Variants in CDH9 observed in about 807,000 individuals in gnomAD.
CDH9 encodes cadherin-9.
CDH9 carries 28 observed loss-of-function variants against 70.9 expected under a neutral mutation model. The observed-to-expected ratio is 0.40, with a 90% CI of 0.29 to 0.54. The LOEUF (loss-of-function observed/expected upper bound fraction) is 0.54. Ranked by LOEUF, CDH9 falls within the 20% of genes least tolerant of loss-of-function variation. CDH9 has a pLI of 0.59. For synonymous variants in CDH9, 409 were observed against 343.1 expected (o/e 1.19, Z -2.12); for missense variants, 874 against 984.4 (o/e 0.89, Z 1.50).
chr5:26,931,533 G>T (rs1741461856), intron 2 of CDH9, among the ~76,000 whole-genome samples: 1 of 152,136 alleles, frequency 6.6e-6, no homozygotes, highest in African/African-American at 2.4e-5. Context: ...CAAAAATCAT[G>T]CATTAGAAGT....
intron 2 of CDH9, among the ~76,000 whole-genome samples, chr5:26,965,499 C>A (rs935805399): frequency 2.6e-5 from 4 of 151,508 alleles, no homozygotes; most frequent in African/African-American, 9.7e-5. Flanking sequence ...TCACTTGAAC[C>A]TGAGAGGCAG....
At chr5:26,906,682 T>A (rs1259584135) in intron 4 of CDH9, 37 bp downstream of exon 4, 1 of 1,607,756 alleles carries the variant, frequency 6.2e-7, no homozygotes, top group East Asian at 2.2e-5. Context: ...CTTAATGTAT[T>A]ATACAATAAG....
At chr5:27,012,241 G>T (rs1549639) in intron 1 of CDH9, among the ~76,000 whole-genome samples, 57,433 of 151,566 alleles carry the variant, frequency 0.38, 12,743 homozygotes, top group Non-Finnish European at 0.5. Context: ...AAAAGCTGTT[G>T]TACTCCGTTG....
chr5:26,963,467 T>C (rs927656650), intron 2 of CDH9, among the ~76,000 whole-genome samples: 3 of 152,162 alleles, frequency 2.0e-5, no homozygotes, highest in African/African-American at 7.2e-5. Context: ...CAATTGTTCA[T>C]TGTGGATATT....
In CDH9 at chr5:26,900,461, A is replaced by G. The variant is rs192514973; in HGVS notation, c.1253+2015T>C. ...GTGGCTAATTTATTTTACAAAATAA[A>G]TAGCCTTGGTGACCTTGAAGGGGCA... is the stretch of plus-strand genomic sequence containing the variant. On this transcript the variant is annotated intron_variant, in intron 7 of 11. Transcript: ENST00000231021. 1.2e-4 allele frequency among the ~76,000 whole-genome samples: 18 copies of G among 152,214 alleles called. No individual in the cohort carries two copies. The East Asian group carries it at 3.1e-3, about 26-fold the overall frequency.
rs1199139349 is a variant in CDH9 at position 26,899,900 on chromosome 5, AT to A, written c.1253+2575del. Reference sequence around the variant, plus strand: ...AAAAAAAGAAAAAAATAAGCAAAAAATATATAAAACCAGAAGTTAGTTTTTT... The same window carrying A: ...AAAAAAAGAAAAAAATAAGCAAAAAAATATAAAACCAGAAGTTAGTTTTTT... On this transcript the variant is annotated intron_variant, in intron 7 of 11. Transcript: ENST00000231021. Among the ~76,000 whole-genome samples the A allele has an allele frequency of 2.9e-3, 438 of 152,016 alleles. 2 individuals are homozygous for A. The highest frequency in any genetic ancestry group is 9.8e-3 in the African/African-American group (405 of 41,514).
At chr5:26,965,468 C>G (rs373950328) in intron 2 of CDH9, among the ~76,000 whole-genome samples, 6 of 151,330 alleles carry the variant, frequency 4.0e-5, no homozygotes, top group African/African-American at 1.5e-4. Context: ...CCCAGCTACT[C>G]GGGAGGCTGA....
At chr5:26,909,878 G>A (rs929500299) in intron 3 of CDH9, among the ~76,000 whole-genome samples, 7 of 151,558 alleles carry the variant, frequency 4.6e-5, no homozygotes, top group African/African-American at 1.5e-4. Context: ...TAAATAATTC[G>A]GTGGCTAAAG....
At chr5:26,965,552 C>G (rs6864681) in intron 2 of CDH9, among the ~76,000 whole-genome samples, 109,104 of 150,030 alleles carry the variant, frequency 0.73, 41,875 homozygotes, top group East Asian at 0.99. Context: ...ATCCAGCGTG[C>G]ATGACAGAGT....
intron 2 of CDH9, among the ~76,000 whole-genome samples, chr5:26,951,907 G>A (rs1741851426): frequency 6.6e-6 from 1 of 150,856 alleles, no homozygotes; most frequent in Non-Finnish European, 1.5e-5. Context: ...TGTATGCTAT[G>A]GCTCACATGT....
At chr5:26,918,255 C>T (rs1274573739) in intron 2 of CDH9, among the ~76,000 whole-genome samples, 4 of 152,106 alleles carry the variant, frequency 2.6e-5, no homozygotes, top group Non-Finnish European at 4.4e-5. Context: ...GTATTTTCCT[C>T]TAACTAAGTA....
chr5:26,918,633 G>A (rs997182421), intron 2 of CDH9, among the ~76,000 whole-genome samples: 2 of 152,194 alleles, frequency 1.3e-5, no homozygotes, highest in African/African-American at 2.4e-5. Flanking sequence ...CTCAGTATGG[G>A]TGACTAGTCT....
At chr5:26,911,768 A>C (rs996214531) in intron 3 of CDH9, among the ~76,000 whole-genome samples, 2 of 152,210 alleles carry the variant, frequency 1.3e-5, no homozygotes, top group African/African-American at 4.8e-5. Context: ...TATATCTTCC[A>C]GATTATATGT....
chr5:27,026,604 A>G (rs541813019), intron 1 of CDH9, among the ~76,000 whole-genome samples: 7 of 152,058 alleles, frequency 4.6e-5, no homozygotes, highest in Admixed American at 1.3e-4. Context: ...AAAACTTTGT[A>G]TCATACTCAC....
intron 2 of CDH9, among the ~76,000 whole-genome samples, chr5:26,950,415 T>C (rs1741825274): frequency 6.6e-6 from 1 of 152,228 alleles, no homozygotes; most frequent in African/African-American, 2.4e-5. Flanking sequence ...AACCAGATTA[T>C]GTAAATGATA....
intron 2 of CDH9, among the ~76,000 whole-genome samples, chr5:26,927,535 C>A (rs749541445): frequency 6.6e-6 from 1 of 152,004 alleles, no homozygotes; most frequent in African/African-American, 2.4e-5. Flanking sequence ...TATCACATAC[C>A]GGGTTTGTGG....
chr5:27,019,540 C>T (rs551624221), intron 1 of CDH9, among the ~76,000 whole-genome samples: 15 of 151,778 alleles, frequency 9.9e-5, no homozygotes, highest in Admixed American at 4.6e-4. Flanking sequence ...CTTGGTGTCA[C>T]TTTGTGAGCA....
chr5:27,032,763 A>G (rs546720894), intron 1 of CDH9, among the ~76,000 whole-genome samples: 1 of 151,610 alleles, frequency 6.6e-6, no homozygotes, highest in South Asian at 2.1e-4. Context: ...ACAATCAAGC[A>G]CATTGTTAAT....
rs1217893627 is a variant in CDH9 at position 26,997,444 on chromosome 5, A to G, written c.-49-9062T>C. ...TCTTGGAGATGGCCAAGATACTATT[A>G]TATCTATTGAACTAATGCAGCTTTA... On this transcript the variant is annotated intron_variant, in intron 1 of 11. Transcript: ENST00000231021. 2.6e-5 allele frequency among the ~76,000 whole-genome samples: 4 copies of G among 152,186 alleles called. No homozygotes were observed. In the East Asian group the frequency reaches 5.8e-4, roughly 22 times the overall value.
Sources: allele counts gnomAD v4.1 joint callset (sites outside exome capture counted in the v4.1 genomes callset), GRCh38; gene constraint gnomAD v4.1.1; transcripts MANE v1.5; gene names NCBI Gene and HGNC (gene_info 2026-07-23, HGNC 2026-07-21).